Variants in MGA observed in about 807,000 individuals in gnomAD.
The protein encoded by MGA is MAX dimerization protein MGA, also known as MAX gene-associated protein.
In MGA, 40 loss-of-function variants were observed where a neutral mutation model predicts 261.1. The ratio of observed to expected loss-of-function variants is 0.15; its 90% CI spans 0.12 to 0.20. The LOEUF (loss-of-function observed/expected upper bound fraction) is 0.20. MGA is among the 10% of genes least tolerant of loss of function. MGA has a pLI of 1.00. For missense variants in MGA, 3,397 were observed against 3,630.5 expected (o/e 0.94, Z 1.65); for synonymous variants, 1,302 against 1,290.6 (o/e 1.01, Z -0.19).
At position 41,713,172 on chromosome 15, in the gene MGA, A is replaced by G. The variant is rs373324437; in HGVS notation, c.3106A>G (p.Ile1036Val). The G allele has an allele frequency of 1.9e-5, 31 of 1,613,110 alleles. No individual in the cohort carries two copies. The highest frequency in any genetic ancestry group is 2.6e-5 in the Non-Finnish European group (31 of 1,179,802). ...TTAGGCATCCCTCAAAACTAAACCT[A>G]TCCACACAATCATAAGGAAACGAGC... Residue 1036 changes from isoleucine to valine, a missense_variant, in exon 9 of 24, where the codon ATC becomes GTC. Around this residue, in one of 9 missense-constraint regions of MGA, gnomAD observed 519 missense variants for 554.1 expected, o/e 0.94. Transcript: ENST00000219905.
At chr15:41,644,190 T>C (rs1473873902) in intron 1 of MGA, among the ~76,000 whole-genome samples, 2 of 152,002 alleles carry the variant, frequency 1.3e-5, no homozygotes, top group Non-Finnish European at 2.9e-5. Context: ...AAAACTGGCC[T>C]AACATTTCAT....
chr15:41,706,173 G>T (rs139930828), intron 5 of MGA, among the ~76,000 whole-genome samples: 1,940 of 150,930 alleles, frequency 0.013, 36 homozygotes, highest in African/African-American at 0.045. Context: ...GAAGGCGGAG[G>T]TTGCAGTGAG....
exon 1 of MGA, chr15:41,621,262 G>A (rs1024181282): frequency 6.6e-6 from 1 of 152,318 alleles, no homozygotes; most frequent in Admixed American, 6.5e-5. Flanking sequence ...AAGGGCGATG[G>A]TTCCCGGCTC....
intron 1 of MGA, among the ~76,000 whole-genome samples, chr15:41,651,717 T>C (rs1194496834): frequency 7.3e-5 from 2 of 27,272 alleles, no homozygotes; most frequent in Admixed American, 4.8e-4. Flanking sequence ...CTCTTACCCC[T>C]TCCCCTTCTC....
Position 41,766,144 on chromosome 15 carries a change from G to T in MGA, c.8062G>T (p.Val2688Phe). Residue 2688 changes from valine (V) to phenylalanine (F), a missense_variant, in exon 24 of 24, where the codon GTC becomes TTC. Coordinates refer to ENST00000219905, the MANE Select transcript of MGA (RefSeq NM_001164273.2). Reference sequence around the variant, plus strand: ...GCCATCTGACCATCTGAAAGACACCGTCAGGAATGAAGATAATTCCTTAGA... The same window carrying T: ...GCCATCTGACCATCTGAAAGACACCTTCAGGAATGAAGATAATTCCTTAGA... 3.7e-6 allele frequency: 6 copies of T among 1,613,968 alleles called. No homozygotes were observed. The highest frequency in any genetic ancestry group is 5.1e-6 in the Non-Finnish European group (6 of 1,179,868).
Position 41,696,941 on chromosome 15 carries a change from T to G in MGA, c.1931T>G (p.Val644Gly). Reference sequence around the variant, plus strand: ...TTAATTTCTACAAAGAATACACCTGTAAGCCCTGGGAGTACCTTTCCAGAT... The same window carrying G: ...TTAATTTCTACAAAGAATACACCTGGAAGCCCTGGGAGTACCTTTCCAGAT... Residue 644 changes from valine to glycine, a missense_variant, in exon 3 of 24, where the codon GTA (valine) becomes GGA (glycine). Around this residue, in one of 9 missense-constraint regions of MGA, gnomAD observed 563 missense variants for 563.6 expected, o/e 1.00. Coordinates refer to ENST00000219905, the MANE Select transcript of MGA (RefSeq NM_001164273.2). The G allele has an allele frequency of 6.2e-7, 1 of 1,604,364 alleles. No individual in the cohort carries two copies. Among genetic ancestry groups the G allele is most frequent in the African/African-American group, 1.3e-5 (1 of 74,930 alleles).
chr15:41,711,987 G>T (rs1314514601), intron 8 of MGA, among the ~76,000 whole-genome samples: 1 of 152,080 alleles, frequency 6.6e-6, no homozygotes, highest in Non-Finnish European at 1.5e-5. Context: ...GAGTCACCAC[G>T]CCCGGCCTGA....
chr15:41,669,772 G>T lies in MGA; in HGVS notation c.878G>T (p.Arg293Leu). 1 of 1,613,940 alleles carries T rather than the reference G, an allele frequency of 6.2e-7. No homozygotes were observed. Among genetic ancestry groups the T allele is most frequent in the Non-Finnish European group, 8.5e-7 (1 of 1,179,848 alleles). The stretch of plus-strand genomic sequence containing the variant: ...TCCAGTTCTTCTGGTCATCGGGTCC[G>T]TCTTACAGAAGGTCAGGGGTCAGAG... Residue 293 changes from arginine (R) to leucine (L), a missense_variant, in exon 2 of 24, where the codon CGT becomes CTT. Coordinates refer to ENST00000219905, the MANE Select transcript of MGA (RefSeq NM_001164273.2).
intron 2 of MGA, among the ~76,000 whole-genome samples, chr15:41,679,917 G>A (rs2058581590): frequency 6.6e-6 from 1 of 152,178 alleles, no homozygotes; most frequent in Non-Finnish European, 1.5e-5. Context: ...AGTGGCAAAA[G>A]TGGGAGCATT....
Position 41,766,447 on chromosome 15 carries a change from G to C in MGA, c.8365G>C (p.Glu2789Gln). 1 of 1,613,964 alleles carries C rather than the reference G, an allele frequency of 6.2e-7. No individual in the cohort carries two copies. The highest frequency in any genetic ancestry group is 1.1e-5 in the South Asian group (1 of 91,084). Residue 2789 changes from glutamate (E) to glutamine (Q), a missense_variant, in exon 24 of 24, where the codon GAG becomes CAG. Glu to Gln is a conservative substitution (Grantham distance 29). This residue lies in a region of MGA where 647 missense variants were observed against 642.4 expected (regional missense o/e 1.01). Transcript: ENST00000219905. ...GAAAGATCTCAAGGACTCAAGCATA[G>C]AGATGGAACTGAGGAAAGTAACATC...
chr15:41,638,148 T>C (rs890416159), intron 1 of MGA, among the ~76,000 whole-genome samples: 7 of 145,712 alleles, frequency 4.8e-5, no homozygotes, highest in African/African-American at 1.8e-4. Flanking sequence ...GTTCAAGCAA[T>C]TCTCTTGCCT....
At chr15:41,688,210 T>TA (rs1463828534) in intron 2 of MGA, among the ~76,000 whole-genome samples, 2 of 152,076 alleles carry the variant, frequency 1.3e-5, no homozygotes, top group African/African-American at 4.8e-5. Flanking sequence ...CAAGTAGCTG[T>TA]GATTACTGGC....
At chr15:41,733,196 G>T (rs1475901978) in intron 11 of MGA, among the ~76,000 whole-genome samples, 1 of 152,018 alleles carries the variant, frequency 6.6e-6, no homozygotes, top group Non-Finnish European at 1.5e-5. Flanking sequence ...GACCTCAGGT[G>T]ATCCACCCAC....
chr15:41,732,771 A>G (rs550798434), intron 11 of MGA, among the ~76,000 whole-genome samples: 28 of 152,316 alleles, frequency 1.8e-4, no homozygotes, highest in Middle Eastern at 3.4e-3. Context: ...CTATTAATAC[A>G]TTAACTACGT....
At position 41,766,818 on chromosome 15, in the gene MGA, T is replaced by G. The variant is rs1388559083; in HGVS notation, c.8736T>G (p.Asn2912Lys). The stretch of plus-strand genomic sequence containing the variant: ...TGGAAGACGATGACTTTTCTGAGAA[T>G]GAAAAACAACTTGCAGAACCAGCCT... The change falls in exon 24 of 24, where the codon AAT becomes AAG. Residue 2912 changes from asparagine (N) to lysine (K), a missense_variant. By Grantham distance (94) the Asn-to-Lys change is moderately conservative (BLOSUM62 0). Around this residue, in one of 9 missense-constraint regions of MGA, gnomAD observed 647 missense variants for 642.4 expected, o/e 1.01. Coordinates refer to ENST00000219905, the MANE Select transcript of MGA (RefSeq NM_001164273.2). 22 of 1,613,920 alleles carry G rather than the reference T, an allele frequency of 1.4e-5. No homozygotes were observed. Among genetic ancestry groups the G allele is most frequent in the Non-Finnish European group, 1.7e-5 (20 of 1,179,900 alleles).
intron 3 of MGA, 78 bp from the exon 4 acceptor site, chr15:41,698,785 G>T (rs891176673): frequency 1.1e-4 from 129 of 1,162,974 alleles, no homozygotes; most frequent in Non-Finnish European, 1.5e-4. Context: ...TGGTCTTTAA[G>T]TTTTTTTTAA....
At chr15:41,675,652 C>G (rs138509762) in intron 2 of MGA, among the ~76,000 whole-genome samples, 25 of 152,266 alleles carry the variant, frequency 1.6e-4, no homozygotes, top group African/African-American at 5.8e-4. Flanking sequence ...GTTGGGATTA[C>G]GGGAGTGAGC....
At chr15:41,739,849 G>C in intron 13 of MGA, 57 bp from the exon 14 acceptor site, 2 of 1,540,886 alleles carry the variant, frequency 1.3e-6, no homozygotes, top group East Asian at 4.6e-5. Context: ...TGTCAAGGGA[G>C]AGGAGTTAGC....
chr15:41,682,081 C>G (rs1350363317), intron 2 of MGA, among the ~76,000 whole-genome samples: 1 of 151,932 alleles, frequency 6.6e-6, no homozygotes, highest in Non-Finnish European at 1.5e-5. Flanking sequence ...CCATGCCCGG[C>G]TAATTTTGTA....
Sources: allele counts gnomAD v4.1 joint callset (sites outside exome capture counted in the v4.1 genomes callset), GRCh38; gene constraint gnomAD v4.1.1; regional missense constraint gnomAD v4.1.1; transcripts MANE v1.5; gene names NCBI Gene and HGNC (gene_info 2026-07-23, HGNC 2026-07-21).